The following RPA1 variants were observed in gnomAD, a reference collection of about 807,000 sequenced individuals.
The protein encoded by RPA1 is replication protein A1.
Under a neutral mutation model 83.0 loss-of-function variants are expected in RPA1, and 49 were observed. The observed-to-expected ratio is 0.59, with a 90% confidence interval of 0.47 to 0.75. The LOEUF is 0.75. RPA1 is among the 30% of genes least tolerant of loss of function. The pLI, the probability that RPA1 is intolerant of heterozygous loss-of-function variation, is 0.00. For missense variants in RPA1, 693 were observed against 776.1 expected (o/e 0.89, Z 1.27); for synonymous variants, 279 against 281.8 (o/e 0.99, Z 0.10).
chr17:1,847,381 A>T (rs1912302059), intron 4 of RPA1, among the ~76,000 whole-genome samples: 1 of 152,064 alleles, frequency 6.6e-6, no homozygotes, highest in Non-Finnish European at 1.5e-5. Context: ...TGTTGCTGGG[A>T]TTGAGTGCAG....
intron 1 of RPA1, among the ~76,000 whole-genome samples, chr17:1,832,038 C>T (rs1364000926): frequency 1.3e-5 from 2 of 151,468 alleles, no homozygotes; most frequent in South Asian, 2.1e-4. Context: ...AGGCAGTTCT[C>T]GTGCCTCTGC....
chr17:1,875,651 G>A lies in RPA1; in HGVS notation c.455-10G>A, dbSNP rs765920881. On this transcript the variant is annotated splice_polypyrimidine_tract_variant and intron_variant, in intron 6 of 16. Coordinates refer to ENST00000254719, the MANE Select transcript of RPA1 (RefSeq NM_002945.5). ...TAATAACTCCTTTTCGTTTGCGTTT[G>A]TTTTTAAAGGTTCTACTGTTTCTAA... 6.2e-7 allele frequency: 1 copy of A among 1,606,726 alleles called. No individual in the cohort carries two copies. Among genetic ancestry groups the A allele is most frequent in the Non-Finnish European group, 8.5e-7 (1 of 1,177,500 alleles).
At chr17:1,856,299 T>TAA (rs545534102) in intron 5 of RPA1, among the ~76,000 whole-genome samples, 38 of 124,790 alleles carry the variant, frequency 3.0e-4, no homozygotes, top group African/African-American at 8.3e-4. Flanking sequence ...TGAGACCCCA[T>TAA]AAAAAAAAAA....
intron 1 of RPA1, among the ~76,000 whole-genome samples, chr17:1,834,769 GAGGA>G (rs1911750130): frequency 6.6e-6 from 1 of 152,178 alleles, no homozygotes; most frequent in South Asian, 2.1e-4. Context: ...CCATTTTACA[GAGGA>G]AGGAAGTACA....
At chr17:1,850,492 G>A (rs923804003) in intron 4 of RPA1, among the ~76,000 whole-genome samples, 2 of 150,166 alleles carry the variant, frequency 1.3e-5, no homozygotes, top group Admixed American at 1.3e-4. Context: ...AGTTGAGATT[G>A]CCCCACTGTA....
At chr17:1,879,528 C>T in intron 10 of RPA1, 32 bp from the exon 11 acceptor site, 2 of 1,613,976 alleles carry the variant, frequency 1.2e-6, no homozygotes, top group Non-Finnish European at 1.7e-6. Context: ...GGAGTCTTGA[C>T]CACCTCCTGC....
chr17:1,842,231 T>C (rs1336374127), intron 1 of RPA1, among the ~76,000 whole-genome samples: 1 of 152,148 alleles, frequency 6.6e-6, no homozygotes, highest in African/African-American at 2.4e-5. Flanking sequence ...GTCTTTTCTA[T>C]TTTCTGAAAT....
intron 11 of RPA1, 152 bp from the exon 12 acceptor site, chr17:1,880,391 G>T (rs555348923): frequency 2.4e-4 from 173 of 721,088 alleles, no homozygotes; most frequent in Middle Eastern, 2.0e-3. Flanking sequence ...GTGTCTCTGA[G>T]TAGATTCTCA....
intron 15 of RPA1, among the ~76,000 whole-genome samples, chr17:1,894,328 A>G (rs1039379155): frequency 2.6e-5 from 4 of 151,954 alleles, no homozygotes; most frequent in Non-Finnish European, 5.9e-5. Context: ...CACTATGCCC[A>G]GCTAATTTTT....
intron 4 of RPA1, among the ~76,000 whole-genome samples, chr17:1,850,884 T>A (rs1364419298): frequency 6.7e-6 from 1 of 148,708 alleles, no homozygotes; most frequent in African/African-American, 2.6e-5. Context: ...AGAGTGAGAC[T>A]CTCTCTCTCA....
At position 1,830,061 on chromosome 17, in the gene RPA1, C is replaced by A; in HGVS notation, c.-33C>A. 8.0e-7 allele frequency: 1 copy of A among 1,248,960 alleles called. No homozygotes were observed. The highest frequency in any genetic ancestry group is 1.0e-6 in the Non-Finnish European group (1 of 987,992). The allele number at this position is 1,248,960 out of a possible 1,614,324, so 77.4% of individuals were successfully genotyped here. A position where few individuals can be genotyped will look rare whatever the true frequency, so the allele number is the denominator to read the frequency against. On this transcript the variant is annotated 5_prime_UTR_variant, in exon 1 of 17. Transcript: ENST00000254719. ...CCGGGTGGGGAAGCTGGAGCTGTTG[C>A]GGGGTCCGCGGGGAAGTCTTGGCGG...
intron 1 of RPA1, among the ~76,000 whole-genome samples, chr17:1,835,745 A>G (rs1057438275): frequency 7.2e-5 from 11 of 152,176 alleles, no homozygotes; most frequent in African/African-American, 2.2e-4. Flanking sequence ...AAATGCATGC[A>G]TAGTTTTTTC....
chr17:1,877,375 G>C, intron 8 of RPA1, 61 bp downstream of exon 8: 4 of 1,453,792 alleles, frequency 2.8e-6, no homozygotes, highest in Non-Finnish European at 3.8e-6. Context: ...AGAAGGCTCA[G>C]CTCTGCGGAG....
chr17:1,842,108 C>T (rs1211093409), intron 1 of RPA1, among the ~76,000 whole-genome samples: 7 of 152,212 alleles, frequency 4.6e-5, no homozygotes, highest in Admixed American at 3.9e-4. Flanking sequence ...CCTCCCACCT[C>T]GGCCTCCCAA....
At chr17:1,896,133 G>C (rs9892897) in intron 16 of RPA1, among the ~76,000 whole-genome samples, 1,688 of 152,288 alleles carry the variant, frequency 0.011, 29 homozygotes, top group African/African-American at 0.038. Flanking sequence ...TACATACAGA[G>C]AGACACGGGC....
intron 16 of RPA1, 33 bp from the exon 17 acceptor site, chr17:1,897,038 C>A (rs900505246): frequency 1.3e-6 from 2 of 1,535,704 alleles, no homozygotes; most frequent in African/African-American, 1.4e-5. Flanking sequence ...ACCACACTTT[C>A]ACTGCTCACA....
At chr17:1,859,707 T>A (rs887791803) in intron 5 of RPA1, among the ~76,000 whole-genome samples, 5 of 152,166 alleles carry the variant, frequency 3.3e-5, no homozygotes, top group African/African-American at 1.2e-4. Context: ...CACGGCTCAG[T>A]GCAGCCTCAA....
At chr17:1,844,728 G>A (rs1354526113) in intron 4 of RPA1, 42 bp downstream of exon 4, 2 of 1,485,642 alleles carry the variant, frequency 1.3e-6, no homozygotes, top group Non-Finnish European at 1.9e-6. Context: ...ATCGTAGAAT[G>A]GGAACAAATT....
intron 12 of RPA1, among the ~76,000 whole-genome samples, chr17:1,881,423 C>A (rs1302604550): frequency 6.6e-6 from 1 of 152,110 alleles, no homozygotes; most frequent in South Asian, 2.1e-4. Context: ...CATACTCCTC[C>A]TTTGTTTTGA....
Sources: allele counts gnomAD v4.1 joint callset (sites outside exome capture counted in the v4.1 genomes callset), GRCh38; gene constraint gnomAD v4.1.1; transcripts MANE v1.5; gene names NCBI Gene and HGNC (gene_info 2026-07-23, HGNC 2026-07-21).